TNNI3K: variants seen among roughly 807,000 people sequenced by gnomAD.
The protein encoded by TNNI3K is TNNI3 interacting kinase.
In TNNI3K, 140 loss-of-function variants were observed where a neutral mutation model predicts 114.5. The ratio of observed to expected loss-of-function variants is 1.22; its 90% confidence interval spans 1.07 to 1.41. The LOEUF (loss-of-function observed/expected upper bound fraction) is 1.41. Ranked by LOEUF, TNNI3K falls within the 40% of genes most tolerant of loss-of-function variation. The probability of loss-of-function intolerance (pLI) is 0.00; values close to 1 mark genes in which losing one functional copy is unlikely to be tolerated. For missense variants in TNNI3K, 1,125 were observed against 1,007.6 expected, an observed-to-expected ratio of 1.12 and a Z score of -1.58; for synonymous variants, 347 against 347.5, an observed-to-expected ratio of 1.00 and a Z score of 0.02.
At chr1:74,241,718 C>T (rs919225647) in intron 2 of TNNI3K, among the ~76,000 whole-genome samples, 6 of 152,182 alleles carry the variant, frequency 3.9e-5, no homozygotes, top group East Asian at 3.9e-4. Context: ...TTCTCCCATT[C>T]TGTAGGTTGC....
intron 6 of TNNI3K, among the ~76,000 whole-genome samples, chr1:74,332,976 A>AAAAAAAAATAAAGAG (rs57556485): frequency 1.1e-5 from 1 of 90,708 alleles, no homozygotes; most frequent in Non-Finnish European, 2.3e-5. Context: ...AAAAAAAAAA[A>AAAAAAAAATAAAGAG]AGAGAGAGAC....
chr1:74,468,602 C>T (rs507162), intron 21 of TNNI3K: 105,362 of 152,012 alleles, frequency 0.69, 37,924 homozygotes, highest in African/African-American at 0.89. Context: ...TTCCTAGCAA[C>T]TCTGAATAGG....
At chr1:74,371,058 C>T (rs1323369915) in intron 17 of TNNI3K, 1 of 151,872 alleles carries the variant, frequency 6.6e-6, no homozygotes, top group Non-Finnish European at 1.5e-5. Flanking sequence ...TCCTGCACCA[C>T]CTCTGTGGAA....
intron 20 of TNNI3K, among the ~76,000 whole-genome samples, chr1:74,460,030 C>T (rs1364596924): frequency 3.3e-5 from 5 of 152,098 alleles, no homozygotes; most frequent in Admixed American, 1.3e-4. Context: ...ACACTAGCCA[C>T]ATTTTAAGTG....
chr1:74,383,291 G>GA lies in TNNI3K; in HGVS notation c.1772+12907dup, dbSNP rs200622161. On this transcript the variant is annotated intron_variant, in intron 17 of 24. Coordinates refer to ENST00000326637, the MANE Select transcript of TNNI3K (RefSeq NM_015978.3). ...CTTCAGCACTGTAAGTGCTAGAGAG[G>GA]AAAAAAAATAGTTTTTTTGTTCTTA... 1.9e-3 allele frequency among the ~76,000 whole-genome samples: 287 copies of GA among 151,534 alleles called. 2 individuals carry two copies. The East Asian group carries it at 0.028, about 15-fold the overall frequency.
In TNNI3K at chr1:74,342,907, A is replaced by T; in HGVS notation, c.748A>T (p.Ile250Leu). Reference sequence around the variant, plus strand: ...CTGTTCTCGATTTGGACACCATGATATAGTTAAGTATCTGCTGCAAAGTGA... The same window carrying T: ...CTGTTCTCGATTTGGACACCATGATTTAGTTAAGTATCTGCTGCAAAGTGA... ...HFCSRFGHHD[I>L]VKYLLQSDLE... is the part of the protein sequence containing the mutation. Residue 250 changes from isoleucine (I) to leucine (L), a missense_variant, in exon 8 of 25, where the codon ATA becomes TTA. Coordinates refer to ENST00000326637, the MANE Select transcript of TNNI3K (RefSeq NM_015978.3). 6.2e-7 allele frequency: 1 copy of T among 1,613,898 alleles called. No individual in the cohort carries two copies. Among genetic ancestry groups the T allele is most frequent in the Non-Finnish European group, 8.5e-7 (1 of 1,179,904 alleles).
chr1:74,315,075 C>A (rs1403285383), intron 5 of TNNI3K, among the ~76,000 whole-genome samples: 1 of 152,088 alleles, frequency 6.6e-6, no homozygotes, highest in Non-Finnish European at 1.5e-5. Context: ...ATTATAACCT[C>A]TTTGTTACGT....
chr1:74,370,126 C>A (rs1261360426), intron 16 of TNNI3K, among the ~76,000 whole-genome samples, 162 bp from the exon 17 acceptor site: 1 of 151,834 alleles, frequency 6.6e-6, no homozygotes, highest in Non-Finnish European at 1.5e-5. Flanking sequence ...TAAGCATTTT[C>A]TGATGTAGGA....
At chr1:74,517,753 G>A (rs1336385968) in intron 23 of TNNI3K, among the ~76,000 whole-genome samples, 4 of 152,226 alleles carry the variant, frequency 2.6e-5, no homozygotes, top group South Asian at 2.1e-4. Flanking sequence ...TTAGTTCATC[G>A]TCTCAATCAC....
At chr1:74,409,696 G>T (rs924852219) in intron 17 of TNNI3K, among the ~76,000 whole-genome samples, 5 of 151,856 alleles carry the variant, frequency 3.3e-5, no homozygotes, top group Admixed American at 6.6e-5. Context: ...TTTTCACCTT[G>T]TTGGCCAGGC....
intron 5 of TNNI3K, among the ~76,000 whole-genome samples, chr1:74,298,410 T>C (rs1023266220): frequency 2.6e-5 from 4 of 152,138 alleles, no homozygotes; most frequent in Non-Finnish European, 5.9e-5. Context: ...AAATAAAGAA[T>C]TGTCATTTGT....
intron 9 of TNNI3K, among the ~76,000 whole-genome samples, chr1:74,352,545 G>T (rs945564990): frequency 1.3e-5 from 2 of 152,204 alleles, no homozygotes; most frequent in African/African-American, 4.8e-5. Context: ...TCTTTTGTTT[G>T]TCTGTGCCGT....
chr1:74,444,814 C>T (rs274575), intron 20 of TNNI3K, among the ~76,000 whole-genome samples: 14,917 of 149,646 alleles, frequency 0.1, 969 homozygotes, highest in African/African-American at 0.19. Context: ...CATCATGGTA[C>T]TGGGAAAAAA....
At chr1:74,247,021 A>G (rs1006741358) in intron 2 of TNNI3K, among the ~76,000 whole-genome samples, 1 of 152,178 alleles carries the variant, frequency 6.6e-6, no homozygotes, top group Admixed American at 6.5e-5. Context: ...GTAAAATAAT[A>G]TATGTGACAA....
chr1:74,475,777 A>G (rs754790230), intron 21 of TNNI3K: 32 of 630,422 alleles, frequency 5.1e-5, no homozygotes, highest in Non-Finnish European at 7.8e-5. Context: ...CCAGTTAAAT[A>G]CAACTAAACC....
At chr1:74,322,934 T>C (rs1459200977) in intron 5 of TNNI3K, among the ~76,000 whole-genome samples, 1 of 152,168 alleles carries the variant, frequency 6.6e-6, no homozygotes, top group Non-Finnish European at 1.5e-5. Flanking sequence ...CCATACAGTT[T>C]TCCTAGAAAG....
chr1:74,351,613 G>A (rs199637154), intron 9 of TNNI3K, among the ~76,000 whole-genome samples: 2 of 152,012 alleles, frequency 1.3e-5, no homozygotes, highest in Non-Finnish European at 2.9e-5. Flanking sequence ...CCAATGAGAC[G>A]TAGATTTGGT....
At chr1:74,540,491 TTAA>T (rs1441109466) in intron 24 of TNNI3K, among the ~76,000 whole-genome samples, 178 bp downstream of exon 24, 4 of 152,024 alleles carry the variant, frequency 2.6e-5, no homozygotes, top group Non-Finnish European at 4.4e-5. Context: ...ACCTTTAAGG[TTAA>T]TAATGTCTGT....
intron 9 of TNNI3K, among the ~76,000 whole-genome samples, chr1:74,350,416 G>T (rs985742922): frequency 6.6e-6 from 1 of 152,138 alleles, no homozygotes; most frequent in African/African-American, 2.4e-5. Context: ...AATAGGTGTG[G>T]TGTGGTGCTG....
Sources: gnomAD v4.1 joint callset for allele counts (sites outside exome capture counted in the v4.1 genomes callset) on GRCh38, gnomAD v4.1.1 for gene constraint, MANE v1.5 for transcripts, NCBI Gene and HGNC (gene_info 2026-07-23, HGNC 2026-07-21) for gene names.